The following EPDR1 variants were observed in gnomAD, a reference collection of about 807,000 sequenced individuals.
The protein encoded by EPDR1 is ependymin related 1.
EPDR1 carries 27 observed loss-of-function variants against 23.7 expected under a neutral mutation model. That is an observed-to-expected ratio of 1.14 (90% CI 0.84 to 1.57). The LOEUF is 1.57. Among genes scored for constraint, EPDR1 ranks in the 40% most tolerant of loss-of-function variants. The pLI, the probability that EPDR1 is intolerant of heterozygous loss-of-function variation, is 0.00. For synonymous variants in EPDR1, 137 were observed against 118.2 expected (o/e 1.16, Z -1.03); for missense variants, 349 against 290.4 (o/e 1.20, Z -1.47).
chr7:37,926,355 C>G (rs529346225), intron 1 of EPDR1, among the ~76,000 whole-genome samples: 3 of 151,886 alleles, frequency 2.0e-5, no homozygotes, highest in African/African-American at 7.2e-5. Flanking sequence ...CCAGCAAGGA[C>G]ATTCTCCTGC....
chr7:37,927,281 A>T (rs368074140), intron 1 of EPDR1, among the ~76,000 whole-genome samples: 3 of 152,194 alleles, frequency 2.0e-5, no homozygotes, highest in East Asian at 3.8e-4. Flanking sequence ...ATACACATTT[A>T]CATCTATATT....
chr7:37,923,599 G>T (rs943565157), intron 1 of EPDR1, among the ~76,000 whole-genome samples: 2 of 152,100 alleles, frequency 1.3e-5, no homozygotes, highest in Non-Finnish European at 2.9e-5. Flanking sequence ...GACTGGGATG[G>T]CCGAGAGCAC....
Position 37,950,528 on chromosome 7 carries a change from T to G in EPDR1, c.*132T>G. 1.1e-6 allele frequency: 1 copy of G among 906,330 alleles called. No homozygotes were observed. The highest frequency in any genetic ancestry group is 1.6e-6 in the Non-Finnish European group (1 of 613,840). The allele number at this position is 906,330 out of a possible 1,614,324, so 56.1% of individuals were successfully genotyped here. On this transcript the variant is annotated 3_prime_UTR_variant, in exon 3 of 3. Transcript: ENST00000199448. Reference sequence around the variant, plus strand: ...AATTTTAGGAAGATGCACATTGATGTGGGGTTTTGATGTGTCTGATTTTGA... The same window carrying G: ...AATTTTAGGAAGATGCACATTGATGGGGGGTTTTGATGTGTCTGATTTTGA...
intron 1 of EPDR1, among the ~76,000 whole-genome samples, chr7:37,936,883 AAGC>A (rs1159847816): frequency 6.6e-6 from 1 of 152,184 alleles, no homozygotes; most frequent in Non-Finnish European, 1.5e-5. Flanking sequence ...AAATGCAAAA[AAGC>A]AGGATTTATT....
intron 1 of EPDR1, among the ~76,000 whole-genome samples, chr7:37,928,881 T>G (rs1355832892): frequency 2.0e-5 from 3 of 152,200 alleles, no homozygotes; most frequent in Admixed American, 6.5e-5. Flanking sequence ...CGGCTGGATG[T>G]TTATGATAGC....
intron 1 of EPDR1, among the ~76,000 whole-genome samples, chr7:37,938,158 T>C (rs868766787): frequency 6.6e-6 from 1 of 151,676 alleles, no homozygotes; most frequent in African/African-American, 2.4e-5. Flanking sequence ...GCCTGGCTAA[T>C]TTTTTGTATT....
At chr7:37,934,544 C>A (rs1281647146) in intron 1 of EPDR1, among the ~76,000 whole-genome samples, 1 of 152,016 alleles carries the variant, frequency 6.6e-6, no homozygotes, top group Non-Finnish European at 1.5e-5. Flanking sequence ...AACCAGATAC[C>A]TTTAGCTCTA....
intron 2 of EPDR1, among the ~76,000 whole-genome samples, 154 bp from the exon 3 acceptor site, chr7:37,950,046 A>C (rs1786365681): frequency 6.6e-6 from 1 of 152,192 alleles, no homozygotes; most frequent in Non-Finnish European, 1.5e-5. Context: ...GATGGTGCTG[A>C]TGGTCAACAA....
chr7:37,926,311 C>T (rs1204793806), intron 1 of EPDR1, among the ~76,000 whole-genome samples: 1 of 152,084 alleles, frequency 6.6e-6, no homozygotes, highest in Non-Finnish European at 1.5e-5. Context: ...AACTGATATA[C>T]CCACGATCCC....
chr7:37,946,722 G>T (rs952420069), intron 1 of EPDR1, among the ~76,000 whole-genome samples: 5 of 152,072 alleles, frequency 3.3e-5, no homozygotes, highest in African/African-American at 1.2e-4. Flanking sequence ...GTGAAAGAGG[G>T]TGATACTTAT....
chr7:37,944,614 G>A (rs558802150), intron 1 of EPDR1, among the ~76,000 whole-genome samples: 2 of 152,286 alleles, frequency 1.3e-5, no homozygotes, highest in East Asian at 3.9e-4. Flanking sequence ...CTTATGCAGG[G>A]GAATTCCCAT....
intron 1 of EPDR1, among the ~76,000 whole-genome samples, chr7:37,948,416 T>A (rs1226369673): frequency 6.6e-6 from 1 of 151,490 alleles, no homozygotes; most frequent in Non-Finnish European, 1.5e-5. Context: ...TGATCATGGC[T>A]CACTGAAGCT....
At chr7:37,936,888 G>C (rs1786064755) in intron 1 of EPDR1, among the ~76,000 whole-genome samples, 1 of 152,130 alleles carries the variant, frequency 6.6e-6, no homozygotes, top group African/African-American at 2.4e-5. Flanking sequence ...CAAAAAAGCA[G>C]GATTTATTTT....
At chr7:37,949,565 A>G (rs1225919800) in intron 2 of EPDR1, among the ~76,000 whole-genome samples, 1 of 152,182 alleles carries the variant, frequency 6.6e-6, no homozygotes, top group Non-Finnish European at 1.5e-5. Context: ...TTCTCAAAAA[A>G]TTAAAGATAA....
intron 1 of EPDR1, among the ~76,000 whole-genome samples, chr7:37,940,749 A>G (rs1441610677): frequency 4.6e-5 from 7 of 152,132 alleles, no homozygotes; most frequent in Non-Finnish European, 7.4e-5. Context: ...AATAGGGGGG[A>G]AAACCTGTAA....
intron 1 of EPDR1, among the ~76,000 whole-genome samples, chr7:37,944,976 G>C (rs892685902): frequency 3.9e-5 from 6 of 152,210 alleles, no homozygotes; most frequent in African/African-American, 1.4e-4. Context: ...TCTAGCACTG[G>C]GGAAAGCACA....
intron 1 of EPDR1, among the ~76,000 whole-genome samples, chr7:37,934,031 C>T (rs1785998618): frequency 6.8e-6 from 1 of 147,236 alleles, no homozygotes. Context: ...GGCTGGAGTG[C>T]AGTGGCGTGA....
intron 1 of EPDR1, among the ~76,000 whole-genome samples, chr7:37,922,751 A>G (rs1381465138): frequency 1.3e-5 from 2 of 152,140 alleles, no homozygotes; most frequent in Non-Finnish European, 2.9e-5. Flanking sequence ...GGCACTGTGT[A>G]TAAACAGAAT....
chr7:37,922,923 T>C (rs1785739175), intron 1 of EPDR1, among the ~76,000 whole-genome samples: 1 of 152,098 alleles, frequency 6.6e-6, no homozygotes, highest in Admixed American at 6.6e-5. Flanking sequence ...GAGAGTGAGT[T>C]CCAAAACACC....
Sources: gnomAD v4.1 joint callset for allele counts (sites outside exome capture counted in the v4.1 genomes callset) on GRCh38, gnomAD v4.1.1 for gene constraint, MANE v1.5 for transcripts, NCBI Gene and HGNC (gene_info 2026-07-23, HGNC 2026-07-21) for gene names.